The following CAST variants were observed in gnomAD, a reference collection of about 807,000 sequenced individuals.
CAST encodes the protein calpastatin.
CAST carries 76 observed loss-of-function variants against 119.6 expected under a neutral mutation model. The observed-to-expected ratio is 0.64, with a 90% CI of 0.53 to 0.77. CAST has a LOEUF of 0.77. Ranked by LOEUF, CAST falls within the 30% of genes least tolerant of loss-of-function variation. The pLI is 0.00. For missense variants in CAST, 953 were observed against 946.5 expected, an observed-to-expected ratio of 1.01 and a Z score of -0.09; for synonymous variants, 319 against 331.6, an observed-to-expected ratio of 0.96 and a Z score of 0.41.
At chr5:96,483,465 A>C in the CAST span, among the ~76,000 whole-genome samples, 1 of 152,194 alleles carries the variant, frequency 6.6e-6, no homozygotes, top group Non-Finnish European at 1.5e-5. Context: ...TGGCCATCTC[A>C]CAAAAGTGAG....
chr5:96,032,635 C>A, the CAST span, among the ~76,000 whole-genome samples: 2 of 152,228 alleles, frequency 1.3e-5, no homozygotes, highest in South Asian at 4.1e-4. Flanking sequence ...CCACGAAATA[C>A]CACTTTGCCA....
At chr5:96,736,524 T>G (rs1258302736) in intron 10 of CAST, among the ~76,000 whole-genome samples, 1 of 152,182 alleles carries the variant, frequency 6.6e-6, no homozygotes, top group African/African-American at 2.4e-5. Context: ...CAAATACACT[T>G]TATTTAACCA....
chr5:96,632,193 T>A (rs1165486871), intron 1 of CAST, among the ~76,000 whole-genome samples: 2 of 151,780 alleles, frequency 1.3e-5, no homozygotes, highest in African/African-American at 2.4e-5. Context: ...AATTGGGTTG[T>A]CTTTCTGTTT....
At chr5:96,162,063 G>C in the CAST span, among the ~76,000 whole-genome samples, 1 of 152,106 alleles carries the variant, frequency 6.6e-6, no homozygotes, top group African/African-American at 2.4e-5. Context: ...TGTAAACAGA[G>C]AACTTACACT....
the CAST span, among the ~76,000 whole-genome samples, chr5:96,125,308 G>T: frequency 3.9e-5 from 6 of 152,076 alleles, no homozygotes; most frequent in Non-Finnish European, 7.4e-5. Context: ...TAAGAACTCC[G>T]TAAATGTCAT....
the CAST span, among the ~76,000 whole-genome samples, chr5:96,102,657 T>A: frequency 6.6e-6 from 1 of 152,056 alleles, no homozygotes; most frequent in Non-Finnish European, 1.5e-5. Context: ...TATCAGCTAT[T>A]TTGTGATGAA....
the CAST span, among the ~76,000 whole-genome samples, chr5:96,059,033 A>G: frequency 6.6e-6 from 1 of 152,124 alleles, no homozygotes; most frequent in African/African-American, 2.4e-5. Flanking sequence ...CAAGGTACCC[A>G]GCTCTCCCTA....
At chr5:96,470,004 T>C in the CAST span, among the ~76,000 whole-genome samples, 24 of 151,394 alleles carry the variant, frequency 1.6e-4, no homozygotes, top group East Asian at 3.1e-3. Flanking sequence ...AAGCATTACA[T>C]TTTAAAAATA....
At chr5:96,554,360 A>G (rs1401602354) in intron 1 of CAST, among the ~76,000 whole-genome samples, 2 of 152,212 alleles carry the variant, frequency 1.3e-5, no homozygotes, top group Non-Finnish European at 2.9e-5. Flanking sequence ...ATATGCAGAA[A>G]ACTGAAACTG....
chr5:96,588,196 C>CTTTTTTTTTTTTTTTTTT lies in CAST; in HGVS notation c.60+58323_60+58340dup, dbSNP rs140665192. Among the ~76,000 whole-genome samples, 16 of 75,842 alleles carry CTTTTTTTTTTTTTTTTTT rather than the reference C, an allele frequency of 2.1e-4. 1 individual carries two copies. The highest frequency in any genetic ancestry group is 6.0e-4 in the South Asian group (1 of 1,678). 49.8% of individuals were successfully genotyped at this position (75,842 alleles called of 152,430 possible). ...TATTATTTTCTTTCTTTCTTTCTTT[C>CTTTTTTTTTTTTTTTTTT]TTTTTTTTTTTTTTTTTTTTTTTTG... is the stretch of plus-strand genomic sequence containing the variant. On this transcript the variant is annotated intron_variant, in intron 1 of 11. Coordinates refer to the CAST transcript ENST00000505143.
the CAST span, among the ~76,000 whole-genome samples, chr5:96,519,971 A>G: frequency 1.3e-5 from 2 of 152,038 alleles, no homozygotes; most frequent in African/African-American, 4.8e-5. Flanking sequence ...ATTCTGTCTC[A>G]CTGTGTTATA....
intron 3 of CAST, among the ~76,000 whole-genome samples, chr5:96,712,929 A>C (rs796611500): frequency 5.9e-5 from 9 of 152,162 alleles, no homozygotes; most frequent in African/African-American, 2.2e-4. Flanking sequence ...ATATCCTCAT[A>C]TGTTCCTCCC....
At chr5:96,589,477 T>C (rs1746926538) in intron 1 of CAST, among the ~76,000 whole-genome samples, 1 of 152,224 alleles carries the variant, frequency 6.6e-6, no homozygotes, top group South Asian at 2.1e-4. Context: ...TCTTTCCCTC[T>C]TTTAAAGACA....
chr5:96,387,778 A>G, the CAST span, among the ~76,000 whole-genome samples: 1 of 152,174 alleles, frequency 6.6e-6, no homozygotes, highest in African/African-American at 2.4e-5. Flanking sequence ...TGATGCAAGA[A>G]GTGTTGTAAA....
chr5:96,270,165 A>C, the CAST span, among the ~76,000 whole-genome samples: 1,407 of 152,282 alleles, frequency 9.2e-3, 27 homozygotes, highest in African/African-American at 0.033. Context: ...ATAGATGCCA[A>C]AAAAAGCATT....
the CAST span, among the ~76,000 whole-genome samples, chr5:96,299,902 T>G: frequency 2.6e-5 from 4 of 152,194 alleles, no homozygotes; most frequent in Non-Finnish European, 5.9e-5. Context: ...TATTTAACAG[T>G]TTTTTAACAG....
At chr5:96,241,213 TC>T in the CAST span, among the ~76,000 whole-genome samples, 17 of 72,176 alleles carry the variant, frequency 2.4e-4, no homozygotes, top group Middle Eastern at 7.2e-3. Flanking sequence ...CCCTCCCCCC[TC>T]CCCCCACCCC....
At chr5:96,414,819 T>A in the CAST span, among the ~76,000 whole-genome samples, 4,187 of 152,282 alleles carry the variant, frequency 0.027, 156 homozygotes, top group African/African-American at 0.085. Context: ...TCATTTTTTT[T>A]AAAAATTAAC....
intron 31 of CAST, chr5:96,772,236 A>C (rs1269592669): frequency 2.0e-5 from 3 of 153,702 alleles, no homozygotes; most frequent in Non-Finnish European, 4.4e-5. Context: ...CTAATTTATA[A>C]TTGCTGAAGA....
Sources: allele counts gnomAD v4.1 joint callset (sites outside exome capture counted in the v4.1 genomes callset), GRCh38; gene constraint gnomAD v4.1.1; transcripts MANE v1.5; gene names NCBI Gene and HGNC (gene_info 2026-07-23, HGNC 2026-07-21).